MCOLN2: variants seen among roughly 807,000 people sequenced by gnomAD.
MCOLN2 encodes the protein mucolipin-2.
Under a neutral mutation model 67.5 loss-of-function variants are expected in MCOLN2, and 57 were observed. The ratio of observed to expected loss-of-function variants is 0.84; its 90% CI spans 0.68 to 1.05. The LOEUF (loss-of-function observed/expected upper bound fraction) is 1.05, where lower values mean the gene tolerates loss of function less well. Ranked by LOEUF, MCOLN2 falls within the 50% of genes least tolerant of loss-of-function variation. The probability of loss-of-function intolerance (pLI) is 0.00; values close to 1 mark genes in which losing one functional copy is unlikely to be tolerated. For synonymous variants in MCOLN2, 246 were observed against 233.3 expected (o/e 1.05, Z -0.50); for missense variants, 620 against 678.8 (o/e 0.91, Z 0.96).
At chr1:84,969,326 T>G (rs113072085) in intron 1 of MCOLN2, among the ~76,000 whole-genome samples, 1,560 of 152,194 alleles carry the variant, frequency 0.01, 31 homozygotes, top group African/African-American at 0.036. Flanking sequence ...ATCCCAGCAC[T>G]TTGGGAGGCA....
intron 1 of MCOLN2, among the ~76,000 whole-genome samples, chr1:84,972,199 C>G (rs907911391): frequency 6.6e-6 from 1 of 152,286 alleles, no homozygotes; most frequent in Middle Eastern, 3.4e-3. Context: ...ATGAAAGTAA[C>G]TGTACCGTAA....
rs767985367 is a variant in MCOLN2, at chr1:84,926,699, T to C, written c.1687A>G (p.Ile563Val). The C allele has an allele frequency of 6.3e-7, 1 of 1,598,240 alleles. No homozygotes were observed. Among genetic ancestry groups the C allele is most frequent in the Non-Finnish European group, 8.5e-7 (1 of 1,170,222 alleles). The part of the protein sequence containing the change: ...RRRKRSDDHL[I>V]PIS ...TTAGCAGAACTTTAGCTAATAGGTA[T>C]CAAGTGATCATCACTTCTTTTCCTG... The change falls in exon 14 of 14, where the codon ATA becomes GTA. Residue 563 changes from isoleucine (I) to valine (V), a missense_variant. Ile to Val is a conservative substitution (Grantham distance 29). Transcript: ENST00000370608.
chr1:84,929,869 C>G (rs537600729), intron 12 of MCOLN2, 190 bp from the exon 13 acceptor site: 1 of 404,764 alleles, frequency 2.5e-6, no homozygotes, highest in South Asian at 5.2e-5. Context: ...ACTGTGGGAA[C>G]AGAGAACAAT....
intron 11 of MCOLN2, 95 bp downstream of exon 11, chr1:84,937,660 T>G: frequency 6.4e-7 from 1 of 1,558,496 alleles, no homozygotes; most frequent in Admixed American, 1.9e-5. Context: ...CAAGGGTACA[T>G]GCTAGAGAAG....
intron 1 of MCOLN2, among the ~76,000 whole-genome samples, chr1:84,985,210 T>G (rs1050867953): frequency 6.6e-6 from 1 of 152,134 alleles, no homozygotes; most frequent in African/African-American, 2.4e-5. Flanking sequence ...TTTCTATTAC[T>G]CCATTAAAAT....
intron 9 of MCOLN2, among the ~76,000 whole-genome samples, chr1:84,939,006 G>A (rs575951786): frequency 5.3e-5 from 8 of 152,296 alleles, no homozygotes; most frequent in African/African-American, 1.9e-4. Flanking sequence ...GAGCCGGGAT[G>A]GGAGAGAATT....
At chr1:84,933,063 T>C (rs978740119) in intron 11 of MCOLN2, among the ~76,000 whole-genome samples, 1 of 152,198 alleles carries the variant, frequency 6.6e-6, no homozygotes, top group African/African-American at 2.4e-5. Context: ...GGCCCATCCC[T>C]ACATTTTTCC....
chr1:84,994,047 C>T (rs66461729), intron 1 of MCOLN2, among the ~76,000 whole-genome samples: 63,488 of 151,596 alleles, frequency 0.42, 13,966 homozygotes, highest in East Asian at 0.62. Context: ...CAGAACTTTT[C>T]AATGATCAGA....
chr1:84,929,028 C>G (rs770516309), intron 13 of MCOLN2, among the ~76,000 whole-genome samples: 7 of 152,168 alleles, frequency 4.6e-5, no homozygotes, highest in Non-Finnish European at 1.0e-4. Flanking sequence ...TATGCTTTGT[C>G]CACTGAGGTC....
At chr1:84,959,534 C>T (rs1648966699) in intron 2 of MCOLN2, among the ~76,000 whole-genome samples, 1 of 152,144 alleles carries the variant, frequency 6.6e-6, no homozygotes, top group Non-Finnish European at 1.5e-5. Context: ...CACAGCTACA[C>T]ACATACCTCA....
Position 84,996,883 on chromosome 1 carries a change from T to A in MCOLN2, c.-11A>T. 2 of 1,613,306 alleles carry A rather than the reference T, an allele frequency of 1.2e-6. No individual in the cohort carries two copies. The highest frequency in any genetic ancestry group is 1.7e-6 in the Non-Finnish European group (2 of 1,179,334). On this transcript the variant is annotated 5_prime_UTR_variant, in exon 1 of 14. Coordinates refer to ENST00000370608, the MANE Select transcript of MCOLN2 (RefSeq NM_153259.4). ...AGGCTGCCGGGCCATGCCTCCTCCT[T>A]CAAAACTTTCCAGGGCTCTCGGGAT...
chr1:84,936,301 G>A (rs1371029807), intron 11 of MCOLN2, among the ~76,000 whole-genome samples: 1 of 152,140 alleles, frequency 6.6e-6, no homozygotes, highest in East Asian at 1.9e-4. Context: ...GGGAGACGGG[G>A]ATGGGGTGCA....
intron 1 of MCOLN2, among the ~76,000 whole-genome samples, chr1:84,966,743 T>C (rs1383934568): frequency 3.3e-5 from 5 of 152,198 alleles, no homozygotes; most frequent in Admixed American, 6.5e-5. Flanking sequence ...GACTCAGGAA[T>C]GGGCACATGA....
At chr1:84,968,727 T>A (rs1284031304) in intron 1 of MCOLN2, among the ~76,000 whole-genome samples, 1 of 152,156 alleles carries the variant, frequency 6.6e-6, no homozygotes, top group Non-Finnish European at 1.5e-5. Context: ...TTTAACCTGC[T>A]CCTTCTTGTC....
At chr1:84,967,982 G>A (rs1649468988) in intron 1 of MCOLN2, among the ~76,000 whole-genome samples, 1 of 152,082 alleles carries the variant, frequency 6.6e-6, no homozygotes. Context: ...GAAGAGTTAA[G>A]GAGAGCAAGA....
intron 1 of MCOLN2, among the ~76,000 whole-genome samples, chr1:84,968,669 T>A (rs551970462): frequency 1.3e-5 from 2 of 152,236 alleles, no homozygotes; most frequent in Non-Finnish European, 2.9e-5. Flanking sequence ...TAAGGCCTCA[T>A]GAGCAGGCCT....
intron 1 of MCOLN2, among the ~76,000 whole-genome samples, chr1:84,987,023 G>A (rs1312253849): frequency 2.0e-5 from 3 of 152,018 alleles, no homozygotes; most frequent in African/African-American, 7.2e-5. Context: ...GCCCACTACT[G>A]GGTATCTACC....
chr1:84,970,670 AAGACTC>A (rs1649632639), intron 1 of MCOLN2, among the ~76,000 whole-genome samples: 1 of 152,162 alleles, frequency 6.6e-6, no homozygotes, highest in African/African-American at 2.4e-5. Flanking sequence ...GCAACAGAGC[AAGACTC>A]AGTCTCATAA....
At chr1:84,985,559 T>C (rs1650466362) in intron 1 of MCOLN2, among the ~76,000 whole-genome samples, 1 of 152,066 alleles carries the variant, frequency 6.6e-6, no homozygotes, top group African/African-American at 2.4e-5. Flanking sequence ...GTCTAATTGG[T>C]CTCTCAAACC....
Sources: allele counts gnomAD v4.1 joint callset (sites outside exome capture counted in the v4.1 genomes callset), GRCh38; gene constraint gnomAD v4.1.1; transcripts MANE v1.5; gene names NCBI Gene and HGNC (gene_info 2026-07-23, HGNC 2026-07-21).